Variants in CNPY2 observed in about 807,000 individuals in gnomAD.
CNPY2 encodes canopy FGF signaling regulator 2.
CNPY2 carries 19 observed loss-of-function variants against 25.5 expected under a neutral mutation model. The ratio of observed to expected loss-of-function variants is 0.74; its 90% CI spans 0.52 to 1.09. The LOEUF (loss-of-function observed/expected upper bound fraction) is 1.09. Ranked by LOEUF, CNPY2 falls within the 50% of genes least tolerant of loss-of-function variation. The probability of loss-of-function intolerance (pLI) is 0.00; values close to 1 mark genes in which losing one functional copy is unlikely to be tolerated. For missense variants in CNPY2, 214 were observed against 233.6 expected (o/e 0.92, Z 0.55); for synonymous variants, 82 against 85.0 (o/e 0.96, Z 0.19).
At position 56,310,723 on chromosome 12, in the gene CNPY2, T is replaced by C; in HGVS notation, c.506-128A>G. The C allele has an allele frequency of 3.0e-6, 3 of 996,088 alleles. No individual in the cohort carries two copies. In the South Asian group the frequency reaches 4.1e-5, roughly 13 times the overall value. 61.7% of individuals were successfully genotyped at this position (996,088 alleles called of 1,614,324 possible). On this transcript the variant is annotated intron_variant, in intron 5 of 5. Coordinates refer to ENST00000273308, the MANE Select transcript of CNPY2 (RefSeq NM_014255.7). Reference sequence around the variant, plus strand: ...CACCATTCTGCAGAATATATGCTTATAAATGATAAAACATCCCCACTGTCC... The same window carrying C: ...CACCATTCTGCAGAATATATGCTTACAAATGATAAAACATCCCCACTGTCC...
chr12:56,311,244 G>T lies in CNPY2; in HGVS notation c.375C>A (p.Ile125=). The T allele has an allele frequency of 3.1e-6, 5 of 1,614,106 alleles. No homozygotes were observed. In the South Asian group the frequency reaches 5.5e-5, roughly 18 times the overall value. The part of the protein sequence containing the change: ...SSELDLQGIR[I]DSDISGTLKF... ...TGAGGGTGCCGCTAATATCTGAGTC[G>T]ATTCGGATGCCTTGTAGGTCCAGTT... The change falls in exon 4 of 6, where the codon ATC becomes ATA. Residue 125 remains isoleucine (I), a synonymous_variant. Coordinates refer to ENST00000273308, the MANE Select transcript of CNPY2 (RefSeq NM_014255.7).
In CNPY2 at chr12:56,311,257, T is replaced by G; in HGVS notation, c.362A>C (p.Gln121Pro). ...RNGESSELDL[Q>P]GIRIDSDISG... The stretch of plus-strand genomic sequence containing the variant: ...AATATCTGAGTCGATTCGGATGCCT[T>G]GTAGGTCCAGTTCACTGGATTCTCC... Residue 121 changes from glutamine to proline, a missense_variant, in exon 4 of 6, where the codon CAA becomes CCA. By Grantham distance (76) the Gln-to-Pro change is moderately conservative (BLOSUM62 -1). Coordinates refer to ENST00000273308, the MANE Select transcript of CNPY2 (RefSeq NM_014255.7). 1 of 1,614,188 alleles carries G rather than the reference T, an allele frequency of 6.2e-7. No individual in the cohort carries two copies. Among genetic ancestry groups the G allele is most frequent in the Non-Finnish European group, 8.5e-7 (1 of 1,180,022 alleles).
intron 3 of CNPY2, among the ~76,000 whole-genome samples, chr12:56,313,636 C>T (rs1470080242): frequency 2.0e-5 from 3 of 148,354 alleles, no homozygotes; most frequent in Non-Finnish European, 3.0e-5. Context: ...AGAGGAGTCT[C>T]GCTGTGTCGC....
intron 3 of CNPY2, 148 bp downstream of exon 3, chr12:56,314,703 C>A: frequency 6.6e-7 from 1 of 1,505,646 alleles, no homozygotes. Context: ...GGGGAATAAG[C>A]CTGCAGCTTC....
intron 3 of CNPY2, 136 bp from the exon 4 acceptor site, chr12:56,311,550 G>A: frequency 1.1e-6 from 1 of 903,672 alleles, no homozygotes; most frequent in Non-Finnish European, 1.8e-6. Context: ...AATTAGTTTT[G>A]TTTGTTTGTT....
At chr12:56,311,473 A>C (rs770148139) in intron 3 of CNPY2, 59 bp from the exon 4 acceptor site, 1 of 1,502,482 alleles carries the variant, frequency 6.7e-7, no homozygotes, top group Non-Finnish European at 9.3e-7. Flanking sequence ...AGTAATTTAT[A>C]TCCTTACTTT....
At position 56,310,365 on chromosome 12, in the gene CNPY2, T is replaced by C; in HGVS notation, c.*187A>G. 1 of 627,688 alleles carries C rather than the reference T, an allele frequency of 1.6e-6. No individual in the cohort carries two copies. The highest frequency in any genetic ancestry group is 2.8e-6 in the Non-Finnish European group (1 of 355,394). 38.9% of individuals were successfully genotyped at this position (627,688 alleles called of 1,614,324 possible). A position where few individuals can be genotyped will look rare whatever the true frequency, so the allele number is the denominator to read the frequency against. ...TTTCTCCTCCATTATCTTTCCTGTC[T>C]ATATAACTCCTTATCTTCAAGCTTA... is the stretch of plus-strand genomic sequence containing the variant. On this transcript the variant is annotated 3_prime_UTR_variant, in exon 6 of 6. Coordinates refer to ENST00000273308, the MANE Select transcript of CNPY2 (RefSeq NM_014255.7).
Position 56,310,297 on chromosome 12 carries a change from A to G in CNPY2, c.*255T>C. The stretch of plus-strand genomic sequence containing the variant: ...CAGAAGGTAGAAGAATTAAAGGTTC[A>G]GGCCTCTCCTACCTTTATCCTGTAT... On this transcript the variant is annotated 3_prime_UTR_variant, in exon 6 of 6. Coordinates refer to ENST00000273308, the MANE Select transcript of CNPY2 (RefSeq NM_014255.7). 1.7e-6 allele frequency: 1 copy of G among 598,816 alleles called. No homozygotes were observed. Among genetic ancestry groups the G allele is most frequent in the Admixed American group, 3.0e-5 (1 of 33,890 alleles). 37.1% of individuals were successfully genotyped at this position (598,816 alleles called of 1,614,324 possible). A position where few individuals can be genotyped will look rare whatever the true frequency, so the allele number is the denominator to read the frequency against.
chr12:56,312,170 G>A (rs1330372061), intron 3 of CNPY2, among the ~76,000 whole-genome samples: 3 of 150,866 alleles, frequency 2.0e-5, no homozygotes, highest in Middle Eastern at 3.5e-3. Flanking sequence ...GAGCCACCGC[G>A]CCCGGCCTGG....
intron 3 of CNPY2, chr12:56,314,370 C>T: frequency 1.1e-6 from 1 of 923,580 alleles, no homozygotes; most frequent in Non-Finnish European, 1.3e-6. Context: ...TGGTGTTTTG[C>T]CATGATGCCC....
rs537961137 is a variant in CNPY2 at position 56,309,952 on chromosome 12, G to A, written c.*600C>T. 1.1e-4 allele frequency: 79 copies of A among 702,306 alleles called. 1 individual carries two copies. The highest frequency in any genetic ancestry group is 1.1e-3 in the South Asian group (74 of 67,584). 43.5% of individuals were successfully genotyped at this position (702,306 alleles called of 1,614,324 possible). On this transcript the variant is annotated 3_prime_UTR_variant, in exon 6 of 6. Transcript: ENST00000273308. ...TTCCTTACCTCGTCTGTCCCTATCC[G>A]ATAAAGCCCTTACTTTTCAGCTGAG...
chr12:56,310,513 G>T lies in CNPY2; in HGVS notation c.*39C>A. On this transcript the variant is annotated 3_prime_UTR_variant, in exon 6 of 6. Coordinates refer to ENST00000273308, the MANE Select transcript of CNPY2 (RefSeq NM_014255.7). ...GCATTGCCACCATTTTCCCCTCCTG[G>T]GGGTGATCCATCAAGCCAGTGTGGG... is the stretch of plus-strand genomic sequence containing the variant. The T allele has an allele frequency of 6.2e-7, 1 of 1,607,048 alleles. No individual in the cohort carries two copies. The highest frequency in any genetic ancestry group is 8.5e-7 in the Non-Finnish European group (1 of 1,173,574).
chr12:56,310,177 G>A lies in CNPY2; in HGVS notation c.*375C>T. 2 of 606,588 alleles carry A rather than the reference G, an allele frequency of 3.3e-6. No homozygotes were observed. The highest frequency in any genetic ancestry group is 4.0e-5 in the South Asian group (2 of 49,486). 37.6% of individuals were successfully genotyped at this position (606,588 alleles called of 1,614,324 possible). A position where few individuals can be genotyped will look rare whatever the true frequency, so the allele number is the denominator to read the frequency against. On this transcript the variant is annotated 3_prime_UTR_variant, in exon 6 of 6. Coordinates refer to ENST00000273308, the MANE Select transcript of CNPY2 (RefSeq NM_014255.7). ...CACTATGTTCCCCTGCTTCCTCATG[G>A]AGGTTCCTCTATTCTCCACAATTAG...
chr12:56,313,960 G>A (rs923503132), intron 3 of CNPY2, among the ~76,000 whole-genome samples: 1 of 150,176 alleles, frequency 6.7e-6, no homozygotes, highest in Non-Finnish European at 1.5e-5. Context: ...GGAGTGCAGT[G>A]GTGCGATCTT....
rs1592420356 is a variant in CNPY2, at chr12:56,310,511, T to G, written c.*41A>C. On this transcript the variant is annotated 3_prime_UTR_variant, in exon 6 of 6. Transcript: ENST00000273308. ...AGGCATTGCCACCATTTTCCCCTCC[T>G]GGGGGTGATCCATCAAGCCAGTGTG... The G allele has an allele frequency of 6.2e-7, 1 of 1,606,608 alleles. No individual in the cohort carries two copies. Among genetic ancestry groups the G allele is most frequent in the Admixed American group, 1.7e-5 (1 of 59,996 alleles).
At chr12:56,314,623 C>A (rs545281813) in intron 3 of CNPY2, 20 of 1,403,492 alleles carry the variant, frequency 1.4e-5, no homozygotes, top group Non-Finnish European at 1.6e-5. Flanking sequence ...CTGATCAGGA[C>A]TCCCTGTTTG....
chr12:56,311,286 C>G lies in CNPY2; in HGVS notation c.333G>C (p.Arg111=). The G allele has an allele frequency of 6.2e-7, 1 of 1,614,168 alleles. No homozygotes were observed. The highest frequency in any genetic ancestry group is 8.5e-7 in the Non-Finnish European group (1 of 1,180,038). ...GGTCCAGTTCACTGGATTCTCCATT[C>G]CGGCCCACTACACGTACGTAGTTCT... ...HRKNYVRVVG[R]NGESSELDLQ... is the part of the protein sequence containing the mutation. Residue 111 remains arginine, a synonymous_variant, in exon 4 of 6, where the codon CGG becomes CGC. Transcript: ENST00000273308.
At position 56,310,043 on chromosome 12, in the gene CNPY2, G is replaced by C. The variant is rs2135934331; in HGVS notation, c.*509C>G. ...TGGTCCCTCCATCTGGATGGGCAGG[G>C]AAGGAAGAATAATGCATATCCGTTA... On this transcript the variant is annotated 3_prime_UTR_variant, in exon 6 of 6. Coordinates refer to ENST00000273308, the MANE Select transcript of CNPY2 (RefSeq NM_014255.7). The C allele has an allele frequency of 4.3e-6, 3 of 699,286 alleles. No individual in the cohort carries two copies. The East Asian group carries it at 8.0e-5, about 19-fold the overall frequency. The allele number at this position is 699,286 out of a possible 1,614,324, so 43.3% of individuals were successfully genotyped here.
intron 3 of CNPY2, 144 bp downstream of exon 3, chr12:56,314,700 AAGCCTGC>A: frequency 6.7e-7 from 1 of 1,499,118 alleles, no homozygotes; most frequent in South Asian, 1.3e-5. Context: ...CATGGGGAAT[AAGCCTGC>A]AGCTTCTTCC....
Sources: gnomAD v4.1 joint callset for allele counts (sites outside exome capture counted in the v4.1 genomes callset) on GRCh38, gnomAD v4.1.1 for gene constraint, MANE v1.5 for transcripts, NCBI Gene and HGNC (gene_info 2026-07-23, HGNC 2026-07-21) for gene names.